ATXN2: variants seen among roughly 807,000 people sequenced by gnomAD.
The protein encoded by ATXN2 is ataxin-2.
Under a neutral mutation model 138.6 loss-of-function variants are expected in ATXN2, and 37 were observed. That is an observed-to-expected ratio of 0.27 (90% confidence interval 0.21 to 0.35). ATXN2 has a LOEUF of 0.35. Ranked by LOEUF, ATXN2 falls within the 10% of genes least tolerant of loss-of-function variation. The pLI is 1.00. For synonymous variants in ATXN2, 549 were observed against 543.7 expected (o/e 1.01, Z -0.13); for missense variants, 1,216 against 1,480.3 (o/e 0.82, Z 2.93).
At chr12:111,545,612 G>C (rs1222240779) in intron 5 of ATXN2, among the ~76,000 whole-genome samples, 4 of 151,906 alleles carry the variant, frequency 2.6e-5, no homozygotes, top group African/African-American at 2.4e-5. Flanking sequence ...AGAAGGGAGA[G>C]AGTCAAGGGC....
chr12:111,570,830 G>T (rs1025760043), intron 1 of ATXN2, among the ~76,000 whole-genome samples: 1 of 152,184 alleles, frequency 6.6e-6, no homozygotes, highest in African/African-American at 2.4e-5. Context: ...CTCTGTCCTA[G>T]TCTGACAGCA....
At chr12:111,524,783 G>T (rs1034794924) in intron 6 of ATXN2, among the ~76,000 whole-genome samples, 1 of 152,112 alleles carries the variant, frequency 6.6e-6, no homozygotes, top group Non-Finnish European at 1.5e-5. Flanking sequence ...CAGACAAGAG[G>T]CTTAAAATGT....
intron 23 of ATXN2, chr12:111,454,819 AC>A (rs1874941856): frequency 2.0e-6 from 1 of 507,864 alleles, no homozygotes; most frequent in African/African-American, 1.9e-5. Flanking sequence ...TCCCTGACTT[AC>A]ATGTAAGTTC....
At chr12:111,469,945 G>A (rs1876286463) in intron 20 of ATXN2, 163 bp downstream of exon 20, 2 of 816,076 alleles carry the variant, frequency 2.5e-6, no homozygotes, top group Non-Finnish European at 3.6e-6. Context: ...TTTGCCAAAA[G>A]TTATAAAGCA....
intron 21 of ATXN2, 114 bp from the exon 22 acceptor site, chr12:111,457,473 C>T: frequency 1.7e-6 from 2 of 1,163,514 alleles, no homozygotes; most frequent in Non-Finnish European, 2.4e-6. Context: ...ACTCACGCCA[C>T]TACCAATTTC....
intron 20 of ATXN2, among the ~76,000 whole-genome samples, chr12:111,465,314 T>G (rs1875911496): frequency 6.6e-6 from 1 of 151,444 alleles, no homozygotes; most frequent in Non-Finnish European, 1.5e-5. Context: ...TTTTTTAACT[T>G]AACTATATTT....
chr12:111,512,511 A>G (rs1460725633), intron 11 of ATXN2: 1 of 148,038 alleles, frequency 6.8e-6, no homozygotes, highest in Non-Finnish European at 1.5e-5. Flanking sequence ...CTGGAGTGCA[A>G]TGGCGTGATC....
rs184836244 is a variant in ATXN2, at chr12:111,584,455, T to C, written c.251+14329A>G. On this transcript the variant is annotated intron_variant, in intron 1 of 24. Coordinates refer to ENST00000673436, the MANE Select transcript of ATXN2 (RefSeq NM_001372574.1). ...CTCGTGGCAGAGCAGGACTAGTCCA[T>C]AGGCAATGTGCCCAGAGTTGGCCAA... Among the ~76,000 whole-genome samples, 56 of 138,984 alleles carry C rather than the reference T, an allele frequency of 4.0e-4. No individual in the cohort carries two copies. In the South Asian group the frequency reaches 6.2e-3, roughly 15 times the overall value. The allele number at this position is 138,984 out of a possible 152,430, so 91.2% of individuals were successfully genotyped here.
At chr12:111,521,055 C>T in intron 6 of ATXN2, 82 bp from the exon 7 acceptor site, 3 of 834,982 alleles carry the variant, frequency 3.6e-6, no homozygotes, top group Non-Finnish European at 5.5e-6. Context: ...TCTATATTAA[C>T]AATATCTAAC....
At chr12:111,532,556 T>G (rs1831265630) in intron 5 of ATXN2, among the ~76,000 whole-genome samples, 1 of 152,140 alleles carries the variant, frequency 6.6e-6, no homozygotes. Flanking sequence ...GTTCTATAGG[T>G]GCTTAAGTCA....
In ATXN2 at chr12:111,484,285, C is replaced by CTT. The variant is rs771539297; in HGVS notation, c.2524+978_2524+979dup. On this transcript the variant is annotated intron_variant, in intron 18 of 24. Coordinates refer to ENST00000673436, the MANE Select transcript of ATXN2 (RefSeq NM_001372574.1). ...TCAGATCAAAAAGCTTTGGAATTAA[C>CTT]TTTTTTTTTTTTTTTTGAGATAGGG... 6.2e-3 allele frequency among the ~76,000 whole-genome samples: 878 copies of CTT among 142,220 alleles called. 13 individuals carry two copies. Among genetic ancestry groups the CTT allele is most frequent in the African/African-American group, 0.021 (808 of 39,114 alleles). 93.3% of individuals were successfully genotyped at this position (142,220 alleles called of 152,430 possible).
chr12:111,575,793 C>G (rs1299366282), intron 1 of ATXN2, among the ~76,000 whole-genome samples: 1 of 152,080 alleles, frequency 6.6e-6, no homozygotes. Context: ...AATAATAAAA[C>G]CAATAGTCAG....
intron 14 of ATXN2, among the ~76,000 whole-genome samples, chr12:111,500,060 T>C (rs959335592): frequency 2.6e-5 from 4 of 152,130 alleles, no homozygotes; most frequent in Non-Finnish European, 5.9e-5. Context: ...TGGAAATTCC[T>C]CAAAAAACTA....
intron 18 of ATXN2, chr12:111,479,188 A>C: frequency 2.7e-6 from 1 of 365,864 alleles, no homozygotes; most frequent in Non-Finnish European, 4.9e-6. Context: ...AATAACTCAA[A>C]TGCCCATCGA....
chr12:111,502,822 T>C (rs1436547743), intron 14 of ATXN2, among the ~76,000 whole-genome samples: 2 of 152,164 alleles, frequency 1.3e-5, no homozygotes, highest in Non-Finnish European at 2.9e-5. Flanking sequence ...TATATTTTGC[T>C]AGTAAGAATG....
intron 1 of ATXN2, among the ~76,000 whole-genome samples, chr12:111,578,740 C>T (rs867177589): frequency 6.6e-6 from 1 of 152,048 alleles, no homozygotes; most frequent in Non-Finnish European, 1.5e-5. Flanking sequence ...TAGGGAAATG[C>T]AAATTAAAAC....
intron 6 of ATXN2, among the ~76,000 whole-genome samples, chr12:111,522,588 C>T (rs564729926): frequency 3.8e-4 from 58 of 151,248 alleles, no homozygotes; most frequent in African/African-American, 1.4e-3. Context: ...CAAGTCTGGG[C>T]GACAGAGCGA....
chr12:111,524,097 C>G (rs921531730), intron 6 of ATXN2, among the ~76,000 whole-genome samples: 4 of 152,274 alleles, frequency 2.6e-5, no homozygotes, highest in Admixed American at 6.5e-5. Context: ...AAAGAAGTCT[C>G]TGTTTCCTCA....
rs562184290 is a variant in ATXN2 at position 111,499,863 on chromosome 12, T to C, written c.1935+9686A>G. 1.7e-4 allele frequency among the ~76,000 whole-genome samples: 26 copies of C among 152,236 alleles called. No individual in the cohort carries two copies. In the South Asian group the frequency reaches 5.2e-3, roughly 30 times the overall value. On this transcript the variant is annotated intron_variant, in intron 14 of 24. Coordinates refer to ENST00000673436, the MANE Select transcript of ATXN2 (RefSeq NM_001372574.1). ...ATGGCAAACAGGTATATGAAAGGTA[T>C]TCAATACTACTGATCACCAGAAAAA... is the stretch of plus-strand genomic sequence containing the variant.
Sources: allele counts gnomAD v4.1 joint callset (sites outside exome capture counted in the v4.1 genomes callset), GRCh38; gene constraint gnomAD v4.1.1; transcripts MANE v1.5; gene names NCBI Gene and HGNC (gene_info 2026-07-23, HGNC 2026-07-21).